Variants in SPAG16 observed in about 807,000 individuals in gnomAD.
SPAG16 encodes the protein sperm-associated antigen 16 protein.
SPAG16 carries 86 observed loss-of-function variants against 80.4 expected under a neutral mutation model. That is an observed-to-expected ratio of 1.07 (90% confidence interval 0.90 to 1.28). SPAG16 has a LOEUF of 1.28. Among genes scored for constraint, SPAG16 ranks in the 50% most tolerant of loss-of-function variants. The pLI is 0.00. For synonymous variants in SPAG16, 294 were observed against 265.9 expected, an observed-to-expected ratio of 1.11 and a Z score of -1.03; for missense variants, 870 against 765.3, an observed-to-expected ratio of 1.14 and a Z score of -1.61.
intron 10 of SPAG16, among the ~76,000 whole-genome samples, chr2:213,747,060 C>A (rs567100883): frequency 1.3e-5 from 2 of 152,120 alleles, no homozygotes; most frequent in Non-Finnish European, 2.9e-5. Flanking sequence ...CCCCAAAGAC[C>A]TTCCGGGGGA....
intron 15 of SPAG16, among the ~76,000 whole-genome samples, chr2:214,305,858 C>CT (rs1245680144): frequency 6.6e-6 from 1 of 150,956 alleles, no homozygotes; most frequent in African/African-American, 2.4e-5. Flanking sequence ...AATTTGGGCT[C>CT]TTTTTTGGTT....
chr2:213,978,018 T>C (rs2045508538), intron 12 of SPAG16, among the ~76,000 whole-genome samples: 1 of 151,290 alleles, frequency 6.6e-6, no homozygotes, highest in African/African-American at 2.4e-5. Context: ...TGCGCACCCT[T>C]AAATTCTTTA....
intron 11 of SPAG16, among the ~76,000 whole-genome samples, chr2:213,864,934 A>G (rs79358385): frequency 2.0e-5 from 3 of 152,234 alleles, no homozygotes; most frequent in Middle Eastern, 3.4e-3. Flanking sequence ...AGGTAAAAAA[A>G]TAAACTGAGG....
At chr2:213,476,818 C>A (rs11684128) in intron 9 of SPAG16, among the ~76,000 whole-genome samples, 40,536 of 152,132 alleles carry the variant, frequency 0.27, 6,270 homozygotes, top group Middle Eastern at 0.44. Flanking sequence ...CTGCCCACAG[C>A]TTGGTGAGCA....
chr2:213,599,380 A>G (rs931833747), intron 10 of SPAG16, among the ~76,000 whole-genome samples: 1 of 152,176 alleles, frequency 6.6e-6, no homozygotes, highest in African/African-American at 2.4e-5. Context: ...GCGCAGGTCC[A>G]CTTATACTTG....
intron 10 of SPAG16, among the ~76,000 whole-genome samples, chr2:213,752,510 T>G (rs1241164575): frequency 6.6e-6 from 1 of 152,232 alleles, no homozygotes; most frequent in African/African-American, 2.4e-5. Context: ...GTTTTAAGCT[T>G]TCTTTAAACA....
intron 12 of SPAG16, among the ~76,000 whole-genome samples, chr2:213,949,179 T>TTTTTTTTTTGTTTTTTTG (rs1553677667): frequency 2.8e-5 from 1 of 36,244 alleles, no homozygotes; most frequent in Admixed American, 4.8e-4. Flanking sequence ...GTTTTTTTTT[T>TTTTTTTTTTGTTTTTTTG]TTTTTTTTTT....
intron 10 of SPAG16, among the ~76,000 whole-genome samples, chr2:213,654,486 G>A (rs1342337048): frequency 7.7e-6 from 1 of 130,236 alleles, no homozygotes; most frequent in Non-Finnish European, 1.5e-5. Flanking sequence ...CACAAGGTCA[G>A]AAGATCGAGA....
rs182131882 is a variant in SPAG16 at position 214,265,996 on chromosome 2, G to A, written c.1720+116730G>A. ...CTTTTTATTTCTCTATAAGTCCTACGTGAGCTGAGACTCAGTTTGTTTTGT... is the reference window on the plus strand; with the variant it reads ...CTTTTTATTTCTCTATAAGTCCTACATGAGCTGAGACTCAGTTTGTTTTGT... On this transcript the variant is annotated intron_variant, in intron 15 of 15. Transcript: ENST00000331683. 6.6e-5 allele frequency among the ~76,000 whole-genome samples: 10 copies of A among 151,368 alleles called. 1 individual carries two copies. The East Asian group carries it at 9.7e-4, about 15-fold the overall frequency.
intron 10 of SPAG16, among the ~76,000 whole-genome samples, chr2:213,577,494 A>G (rs1484922647): frequency 6.6e-6 from 1 of 152,158 alleles, no homozygotes; most frequent in Non-Finnish European, 1.5e-5. Context: ...GTTTCCTGAT[A>G]AGCCCATCTC....
intron 10 of SPAG16, among the ~76,000 whole-genome samples, chr2:213,541,385 G>A (rs559446406): frequency 2.0e-4 from 31 of 152,178 alleles, no homozygotes; most frequent in Non-Finnish European, 3.8e-4. Flanking sequence ...TTGGGAGGCT[G>A]AGGCAAGTGG....
intron 10 of SPAG16, among the ~76,000 whole-genome samples, chr2:213,590,236 C>T (rs1489024251): frequency 6.6e-6 from 1 of 152,082 alleles, no homozygotes; most frequent in East Asian, 1.9e-4. Flanking sequence ...TCAGTGGGTA[C>T]ACATGTATGT....
chr2:213,547,322 A>C (rs1016565119), intron 10 of SPAG16, among the ~76,000 whole-genome samples: 5 of 152,144 alleles, frequency 3.3e-5, no homozygotes, highest in Non-Finnish European at 7.4e-5. Context: ...TCGAAAGAGA[A>C]ATAATATTAA....
chr2:213,934,573 G>A (rs1301911793), intron 12 of SPAG16, among the ~76,000 whole-genome samples: 2 of 152,204 alleles, frequency 1.3e-5, no homozygotes, highest in Non-Finnish European at 2.9e-5. Context: ...CTGTGGCAGA[G>A]ACTGTTAGCT....
intron 15 of SPAG16, among the ~76,000 whole-genome samples, chr2:214,295,259 C>T (rs543205796): frequency 2.0e-5 from 3 of 152,342 alleles, no homozygotes; most frequent in Admixed American, 1.3e-4. Context: ...CATGAGATAA[C>T]TTCTTTATCA....
At chr2:213,444,659 C>A (rs2071183339) in intron 9 of SPAG16, among the ~76,000 whole-genome samples, 1 of 151,832 alleles carries the variant, frequency 6.6e-6, no homozygotes, top group Admixed American at 6.6e-5. Flanking sequence ...TCTTTTATTT[C>A]TTTCATCAAT....
chr2:213,644,053 T>C (rs1421344988), intron 10 of SPAG16, among the ~76,000 whole-genome samples: 2 of 151,268 alleles, frequency 1.3e-5, no homozygotes, highest in Non-Finnish European at 2.9e-5. Context: ...AATGCTGGGA[T>C]TACAGGCATG....
At chr2:213,591,049 A>G (rs565473874) in intron 10 of SPAG16, among the ~76,000 whole-genome samples, 20 of 152,334 alleles carry the variant, frequency 1.3e-4, no homozygotes, top group African/African-American at 4.8e-4. Context: ...AGTAACAGAA[A>G]ACCAAATACC....
chr2:214,297,232 T>C (rs1056583782), intron 15 of SPAG16, among the ~76,000 whole-genome samples: 1 of 152,174 alleles, frequency 6.6e-6, no homozygotes, highest in South Asian at 2.1e-4. Context: ...GAGTCATAAT[T>C]TGCAATTATT....
Sources: gnomAD v4.1 joint callset for allele counts (sites outside exome capture counted in the v4.1 genomes callset) on GRCh38, gnomAD v4.1.1 for gene constraint, MANE v1.5 for transcripts, NCBI Gene and HGNC (gene_info 2026-07-23, HGNC 2026-07-21) for gene names.